Variants in PLCXD3 observed in about 807,000 individuals in gnomAD.
PLCXD3 encodes the protein PI-PLC X domain-containing protein 3.
A neutral mutation model predicts 25.5 loss-of-function variants in PLCXD3; 19 were observed. The ratio of observed to expected loss-of-function variants is 0.75; its 90% CI spans 0.52 to 1.09. The LOEUF (loss-of-function observed/expected upper bound fraction) is 1.09, where lower values mean the gene tolerates loss of function less well. Ranked by LOEUF, PLCXD3 falls within the 50% of genes least tolerant of loss-of-function variation. PLCXD3 has a pLI of 0.00. For synonymous variants in PLCXD3, 174 were observed against 137.6 expected (o/e 1.26, Z -1.85); for missense variants, 411 against 388.1 (o/e 1.06, Z -0.50).
chr5:41,351,194 T>C (rs1051223455), intron 2 of PLCXD3, among the ~76,000 whole-genome samples: 1 of 152,148 alleles, frequency 6.6e-6, no homozygotes, highest in Non-Finnish European at 1.5e-5. Context: ...AAACAAACAA[T>C]CAGGGTAGAA....
intron 1 of PLCXD3, among the ~76,000 whole-genome samples, chr5:41,403,410 T>TTTTGTTTTG (rs1746258275): frequency 2.4e-5 from 1 of 41,926 alleles, no homozygotes. Flanking sequence ...TGTTTTTTTT[T>TTTTGTTTTG]TTTTTTATTA....
rs145732089 is a variant in PLCXD3 at position 41,468,009 on chromosome 5, CTTTTTTTTTT to C, written c.103+42405_103+42414del. ...GGAGTGTGATACTACCAGCTTTATT[CTTTTTTTTTT>C]TTTTTTTTTTTTTTTTTTTGACAGA... On this transcript the variant is annotated intron_variant, in intron 1 of 2. Transcript: ENST00000377801. Among the ~76,000 whole-genome samples the C allele has an allele frequency of 8.8e-3, 462 of 52,448 alleles. 7 individuals carry two copies. Among genetic ancestry groups the C allele is most frequent in the African/African-American group, 0.035 (434 of 12,568 alleles). 34.4% of individuals were successfully genotyped at this position (52,448 alleles called of 152,430 possible).
At chr5:41,450,705 A>C (rs1747609037) in intron 1 of PLCXD3, among the ~76,000 whole-genome samples, 1 of 152,048 alleles carries the variant, frequency 6.6e-6, no homozygotes, top group Non-Finnish European at 1.5e-5. Context: ...CACATTTTCT[A>C]AATGCAGGTC....
intron 1 of PLCXD3, among the ~76,000 whole-genome samples, chr5:41,446,195 A>AAAAAAAAAAAAAAAAAAAAAAAAAC (rs1747497516): frequency 6.7e-6 from 1 of 149,128 alleles, no homozygotes; most frequent in Non-Finnish European, 1.5e-5. Flanking sequence ...AAAAAAAAAA[A>AAAAAAAAAAAAAAAAAAAAAAAAAC]AAAAAAGAAC....
chr5:41,326,853 C>CAA (rs35056739), intron 2 of PLCXD3, among the ~76,000 whole-genome samples: 14,193 of 152,174 alleles, frequency 0.093, 941 homozygotes, highest in East Asian at 0.35. Flanking sequence ...GTACCTACCA[C>CAA]TCCCTAGGAT....
intron 1 of PLCXD3, among the ~76,000 whole-genome samples, chr5:41,397,548 G>T (rs1580349966): frequency 1.3e-5 from 2 of 152,200 alleles, no homozygotes; most frequent in African/African-American, 4.8e-5. Context: ...GCAGTGCAGA[G>T]AGGAAATGTG....
chr5:41,485,943 T>C (rs1412912722), intron 1 of PLCXD3, among the ~76,000 whole-genome samples: 14 of 152,172 alleles, frequency 9.2e-5, no homozygotes, highest in Admixed American at 9.2e-4. Flanking sequence ...CCAATTAATC[T>C]TCAAGTTACA....
chr5:41,408,573 A>G (rs1746424185), intron 1 of PLCXD3, among the ~76,000 whole-genome samples: 1 of 152,120 alleles, frequency 6.6e-6, no homozygotes, highest in Non-Finnish European at 1.5e-5. Context: ...TTTTTAAAAC[A>G]AAAAGGTTGA....
At chr5:41,477,415 C>T (rs922454501) in intron 1 of PLCXD3, among the ~76,000 whole-genome samples, 2 of 152,210 alleles carry the variant, frequency 1.3e-5, no homozygotes, top group African/African-American at 4.8e-5. Context: ...CCATACCTGT[C>T]GCTCCTGGTT....
At chr5:41,479,760 C>T (rs968399913) in intron 1 of PLCXD3, among the ~76,000 whole-genome samples, 1 of 151,748 alleles carries the variant, frequency 6.6e-6, no homozygotes, top group Non-Finnish European at 1.5e-5. Flanking sequence ...TAGGCATAGA[C>T]TTTAAAAACA....
intron 1 of PLCXD3, among the ~76,000 whole-genome samples, chr5:41,486,604 T>C (rs908532219): frequency 1.1e-4 from 16 of 152,122 alleles, no homozygotes; most frequent in African/African-American, 3.6e-4. Context: ...TTTGAGAGTC[T>C]TCAACTGAGG....
intron 1 of PLCXD3, among the ~76,000 whole-genome samples, chr5:41,418,991 A>G (rs1580363403): frequency 6.6e-6 from 1 of 152,180 alleles, no homozygotes; most frequent in Non-Finnish European, 1.5e-5. Flanking sequence ...GCATTCCACT[A>G]TCTTGGAGGA....
intron 1 of PLCXD3, among the ~76,000 whole-genome samples, chr5:41,450,124 T>C (rs1403801975): frequency 6.6e-6 from 1 of 152,078 alleles, no homozygotes; most frequent in Non-Finnish European, 1.5e-5. Flanking sequence ...AAGCTGCCCT[T>C]GGTTTTGGCT....
chr5:41,503,392 G>A lies in PLCXD3; in HGVS notation c.103+7032C>T, dbSNP rs952097966. Among the ~76,000 whole-genome samples, 7 of 152,148 alleles carry A rather than the reference G, an allele frequency of 4.6e-5. No individual in the cohort carries two copies. The East Asian group carries it at 1.2e-3, about 25-fold the overall frequency. On this transcript the variant is annotated intron_variant, in intron 1 of 2. Coordinates refer to ENST00000377801, the MANE Select transcript of PLCXD3 (RefSeq NM_001005473.3). ...TCTATGTAAAACATAACATTAGCTC[G>A]CATTTAAGATAGAGTGTTGTAAGAG...
intron 1 of PLCXD3, among the ~76,000 whole-genome samples, chr5:41,404,706 T>C (rs1019668027): frequency 6.6e-6 from 1 of 152,186 alleles, no homozygotes; most frequent in African/African-American, 2.4e-5. Context: ...CAGTATTATT[T>C]ATAGAAGTTT....
chr5:41,480,702 C>T lies in PLCXD3; in HGVS notation c.103+29722G>A, dbSNP rs7736195. ...TTGGGAGGCCAAGGCAGGTGGATCA[C>T]CTGAGGTCAGGATTTCAAGACCAGC... On this transcript the variant is annotated intron_variant, in intron 1 of 2. Transcript: ENST00000377801. Among the ~76,000 whole-genome samples, 145 of 152,062 alleles carry T rather than the reference C, an allele frequency of 9.5e-4. 5 individuals carry two copies. The highest frequency in any genetic ancestry group is 3.4e-3 in the African/African-American group (141 of 41,490).
chr5:41,403,441 A>T (rs1386175707), intron 1 of PLCXD3, among the ~76,000 whole-genome samples: 1 of 19,188 alleles, frequency 5.2e-5, no homozygotes, highest in African/African-American at 2.3e-4. Context: ...TTTAGGGTAC[A>T]TGTGCACATT....
chr5:41,474,428 C>T (rs1199596400), intron 1 of PLCXD3, among the ~76,000 whole-genome samples: 3 of 152,180 alleles, frequency 2.0e-5, no homozygotes, highest in Non-Finnish European at 2.9e-5. Flanking sequence ...CAGATAGCTT[C>T]CAATGGTATA....
intron 1 of PLCXD3, among the ~76,000 whole-genome samples, chr5:41,484,027 T>G (rs1317504774): frequency 6.6e-6 from 1 of 152,060 alleles, no homozygotes; most frequent in Non-Finnish European, 1.5e-5. Context: ...CCTTCTAATA[T>G]GTAAGAAAAT....
Sources: gnomAD v4.1 joint callset for allele counts (sites outside exome capture counted in the v4.1 genomes callset) on GRCh38, gnomAD v4.1.1 for gene constraint, MANE v1.5 for transcripts, NCBI Gene and HGNC (gene_info 2026-07-23, HGNC 2026-07-21) for gene names.